KHK: variants seen among roughly 807,000 people sequenced by gnomAD.
The protein encoded by KHK is fructokinase.
Under a neutral mutation model 36.0 loss-of-function variants are expected in KHK, and 37 were observed. The ratio of observed to expected loss-of-function variants is 1.03; its 90% CI spans 0.79 to 1.35. The LOEUF is 1.35. KHK is among the 40% of genes most tolerant of loss of function. The pLI is 0.00. For synonymous variants in KHK, 161 were observed against 162.8 expected (o/e 0.99, Z 0.08); for missense variants, 395 against 391.9 (o/e 1.01, Z -0.07).
chr2:27,096,668 C>T, intron 3 of KHK, 61 bp from the exon 4 acceptor site: 2 of 1,361,394 alleles, frequency 1.5e-6, no homozygotes, highest in South Asian at 2.3e-5. Flanking sequence ...AGTTAGAGAT[C>T]CTGGCTCTGC....
Position 27,087,081 on chromosome 2 carries a change from C to T in KHK, c.-179C>T. 1.7e-6 allele frequency: 1 copy of T among 586,010 alleles called. No individual in the cohort carries two copies. The highest frequency in any genetic ancestry group is 3.1e-6 in the Non-Finnish European group (1 of 327,210). The allele number at this position is 586,010 out of a possible 1,614,324, so 36.3% of individuals were successfully genotyped here. On this transcript the variant is annotated 5_prime_UTR_variant, in exon 1 of 8. Coordinates refer to ENST00000260598, the MANE Select transcript of KHK (RefSeq NM_006488.3). The stretch of plus-strand genomic sequence containing the variant: ...GGTCTTCGGGTGTCGCGAGGAAGGG[C>T]CCTGCTCCTTTCGTTCCCTGCACCC...
In KHK at chr2:27,099,729, G is replaced by A. The variant is rs1213238194; in HGVS notation, c.876G>A (p.Gln292=). The change falls in exon 8 of 8, where the codon CAG becomes CAA. Residue 292 remains glutamine, a synonymous_variant. Coordinates refer to ENST00000260598, the MANE Select transcript of KHK (RefSeq NM_006488.3). ...TGGCCGGCAAGAAGTGTGGCCTGCA[G>A]GGCTTTGATGGCATCGTGTGAGAGC... ...CQVAGKKCGL[Q]GFDGIV is the part of the protein sequence containing the mutation. 3 of 1,614,022 alleles carry A rather than the reference G, an allele frequency of 1.9e-6. No homozygotes were observed. Among genetic ancestry groups the A allele is most frequent in the Admixed American group, 1.7e-5 (1 of 60,010 alleles).
chr2:27,098,621 GTT>G (rs1391761274), intron 5 of KHK, among the ~76,000 whole-genome samples: 5 of 152,036 alleles, frequency 3.3e-5, no homozygotes, highest in South Asian at 2.1e-4. Context: ...TCGGTGTTTT[GTT>G]TTTTGTTTTT....
Position 27,094,788 on chromosome 2 carries a change from C to T in KHK, c.210-12C>T, listed in dbSNP as rs1350311008. 2 of 1,613,946 alleles carry T rather than the reference C, an allele frequency of 1.2e-6. No homozygotes were observed. Among genetic ancestry groups the T allele is most frequent in the Admixed American group, 1.7e-5 (1 of 60,008 alleles). Reference sequence around the variant, plus strand: ...CTCCTTGCCCTTTTCCTGGCCCGGCCTCCACCCTAAGCTTCCTGGTGGCCG... The same window carrying T: ...CTCCTTGCCCTTTTCCTGGCCCGGCTTCCACCCTAAGCTTCCTGGTGGCCG... On this transcript the variant is annotated splice_polypyrimidine_tract_variant and intron_variant, in intron 2 of 7. Coordinates refer to ENST00000260598, the MANE Select transcript of KHK (RefSeq NM_006488.3).
rs185718800 is a variant in KHK at position 27,092,107 on chromosome 2, A to T, written c.93-225A>T. Among the ~76,000 whole-genome samples the T allele has an allele frequency of 5.3e-3, 811 of 152,320 alleles. 10 individuals carry two copies. The highest frequency in any genetic ancestry group is 0.019 in the African/African-American group (790 of 41,570). On this transcript the variant is annotated intron_variant, in intron 1 of 7. Transcript: ENST00000260598. ...AGGAACAGATGGAAATATTGAAAGG[A>T]ACTGCTGTCAGCTTGAATTTAGCCT...
chr2:27,100,298 G>A lies in KHK; in HGVS notation c.*548G>A. 1.9e-6 allele frequency: 1 copy of A among 530,696 alleles called. No homozygotes were observed. Among genetic ancestry groups the A allele is most frequent in the South Asian group, 1.8e-5 (1 of 56,798 alleles). The allele number at this position is 530,696 out of a possible 1,614,324, so 32.9% of individuals were successfully genotyped here. A position where few individuals can be genotyped will look rare whatever the true frequency, so the allele number is the denominator to read the frequency against. On this transcript the variant is annotated 3_prime_UTR_variant, in exon 8 of 8. Transcript: ENST00000260598. ...TGAACTGACAGGCCAGTGGGGGGCA[G>A]GGGTGCGCCTCCTCTGCCCTGCCCA...
In KHK at chr2:27,100,226, A is replaced by G. The variant is rs963830663; in HGVS notation, c.*476A>G. Reference sequence around the variant, plus strand: ...AGCTCTTCGGGGCCCTGCGTTGTGCAGACTCTATTCCCACAGCTCAGAAGC... The same window carrying G: ...AGCTCTTCGGGGCCCTGCGTTGTGCGGACTCTATTCCCACAGCTCAGAAGC... On this transcript the variant is annotated 3_prime_UTR_variant, in exon 8 of 8. Coordinates refer to ENST00000260598, the MANE Select transcript of KHK (RefSeq NM_006488.3). 3 of 398,828 alleles carry G rather than the reference A, an allele frequency of 7.5e-6. No individual in the cohort carries two copies. The highest frequency in any genetic ancestry group is 6.3e-5 in the East Asian group (1 of 15,778). The allele number at this position is 398,828 out of a possible 1,614,324, so 24.7% of individuals were successfully genotyped here. A position where few individuals can be genotyped will look rare whatever the true frequency, so the allele number is the denominator to read the frequency against.
chr2:27,096,621 T>C, intron 3 of KHK, 108 bp from the exon 4 acceptor site: 1 of 864,556 alleles, frequency 1.2e-6, no homozygotes, highest in Non-Finnish European at 2.0e-6. Context: ...CTTCCTGTCA[T>C]GCTGCCAGCA....
At chr2:27,088,651 T>C (rs965638791) in intron 1 of KHK, among the ~76,000 whole-genome samples, 3 of 152,142 alleles carry the variant, frequency 2.0e-5, no homozygotes, top group Non-Finnish European at 4.4e-5. Context: ...CTCAAACTTC[T>C]AATCTCAAGT....
chr2:27,097,475 G>C (rs776763811), intron 4 of KHK, 28 bp from the exon 5 acceptor site: 3 of 1,612,282 alleles, frequency 1.9e-6, no homozygotes, highest in Admixed American at 1.7e-5. Flanking sequence ...AGTGCCCAGC[G>C]GTCCTGAGCT....
rs370017522 is a variant in KHK, at chr2:27,097,472, A to C, written c.418-31A>C. On this transcript the variant is annotated intron_variant, in intron 4 of 7. Transcript: ENST00000260598. ...GAGGCAGATTGGCCAGGCAGTGCCC[A>C]GCGGTCCTGAGCTGCCCTGTCCTGT... 2.9e-4 allele frequency: 470 copies of C among 1,612,212 alleles called. 1 individual carries two copies. Among genetic ancestry groups the C allele is most frequent in the Admixed American group, 2.5e-4 (15 of 60,020 alleles).
chr2:27,088,253 C>T (rs1362390242), intron 1 of KHK, among the ~76,000 whole-genome samples: 1 of 151,830 alleles, frequency 6.6e-6, no homozygotes, highest in Admixed American at 6.6e-5. Flanking sequence ...ACCACACATG[C>T]ACGTCACCAT....
intron 3 of KHK, among the ~76,000 whole-genome samples, chr2:27,095,688 T>C (rs1670291752): frequency 6.6e-6 from 1 of 152,248 alleles, no homozygotes; most frequent in African/African-American, 2.4e-5. Flanking sequence ...GGTACTGTTA[T>C]GGCTGAGAGG....
intron 3 of KHK, among the ~76,000 whole-genome samples, chr2:27,095,249 C>T (rs1670263626): frequency 6.6e-6 from 1 of 152,150 alleles, no homozygotes; most frequent in Admixed American, 6.5e-5. Flanking sequence ...AGCAGCTTGG[C>T]TGTGGGTGCG....
chr2:27,099,802 C>A lies in KHK; in HGVS notation c.*52C>A. 6.3e-7 allele frequency: 1 copy of A among 1,593,486 alleles called. No individual in the cohort carries two copies. Among genetic ancestry groups the A allele is most frequent in the Non-Finnish European group, 8.5e-7 (1 of 1,170,352 alleles). On this transcript the variant is annotated 3_prime_UTR_variant, in exon 8 of 8. Transcript: ENST00000260598. ...ATGGAGACTACCATTGCGGCTGCAT[C>A]GCCTTCTCCCCTCCATCCAGCCTGG...
At chr2:27,096,884 C>T in intron 4 of KHK, 83 bp downstream of exon 4, 1 of 990,440 alleles carries the variant, frequency 1.0e-6, no homozygotes, top group South Asian at 1.3e-5. Context: ...TTCTTTGAAT[C>T]ATGAAGTACC....
In KHK at chr2:27,099,930, G is replaced by A. The variant is rs3769141; in HGVS notation, c.*180G>A. On this transcript the variant is annotated 3_prime_UTR_variant, in exon 8 of 8. Coordinates refer to ENST00000260598, the MANE Select transcript of KHK (RefSeq NM_006488.3). ...AGAGGCTCTGGGGGGATGGCTGGGG[G>A]ATGCAGAGCCTCAGAGCAAATAAAT... 2 of 1,368,450 alleles carry A rather than the reference G, an allele frequency of 1.5e-6. No homozygotes were observed. The highest frequency in any genetic ancestry group is 3.9e-5 in the Admixed American group (2 of 50,702). 84.8% of individuals were successfully genotyped at this position (1,368,450 alleles called of 1,614,324 possible).
At position 27,100,463 on chromosome 2, in the gene KHK, G is replaced by C. The variant is rs141247751; in HGVS notation, c.*713G>C. On this transcript the variant is annotated 3_prime_UTR_variant, in exon 8 of 8. Transcript: ENST00000260598. ...AGCCACAAATGTGACCCAGGATACA[G>C]AGTGTTGCTGTCCTCAGGGAGGTCC... 6.2e-6 allele frequency: 8 copies of C among 1,290,940 alleles called. No homozygotes were observed. The highest frequency in any genetic ancestry group is 2.3e-5 in the Admixed American group (1 of 43,550). 80.0% of individuals were successfully genotyped at this position (1,290,940 alleles called of 1,614,324 possible). A position where few individuals can be genotyped will look rare whatever the true frequency, so the allele number is the denominator to read the frequency against.
At chr2:27,089,519 C>T (rs1669858434) in intron 1 of KHK, among the ~76,000 whole-genome samples, 1 of 152,164 alleles carries the variant, frequency 6.6e-6, no homozygotes, top group Non-Finnish European at 1.5e-5. Flanking sequence ...TTAATTCTGT[C>T]GGGAAGGTAG....
Sources: gnomAD v4.1 joint callset for allele counts (sites outside exome capture counted in the v4.1 genomes callset) on GRCh38, gnomAD v4.1.1 for gene constraint, MANE v1.5 for transcripts, NCBI Gene and HGNC (gene_info 2026-07-23, HGNC 2026-07-21) for gene names.